The following ATRNL1 variants were observed in gnomAD, a reference collection of about 807,000 sequenced individuals.
ATRNL1 encodes the protein attractin-like protein 1.
In ATRNL1, 95 loss-of-function variants were observed where a neutral mutation model predicts 182.7. The observed-to-expected ratio is 0.52, with a 90% CI of 0.44 to 0.62. The LOEUF (loss-of-function observed/expected upper bound fraction) is 0.62, where lower values mean the gene tolerates loss of function less well. Among genes scored for constraint, ATRNL1 ranks in the 20% least tolerant of loss-of-function variants. The pLI is 0.00. For missense variants in ATRNL1, 1,471 were observed against 1,679.5 expected (o/e 0.88, Z 2.17); for synonymous variants, 576 against 568.3 (o/e 1.01, Z -0.19).
At position 115,160,298 on chromosome 10, in the gene ATRNL1, AG is replaced by A; in HGVS notation, c.1004+85del. 20 of 1,322,500 alleles carry A rather than the reference AG, an allele frequency of 1.5e-5. No homozygotes were observed. The South Asian group carries it at 2.8e-4, about 19-fold the overall frequency. The allele number at this position is 1,322,500 out of a possible 1,614,324, so 81.9% of individuals were successfully genotyped here. On this transcript the variant is annotated intron_variant, in intron 6 of 28. Coordinates refer to ENST00000355044, the MANE Select transcript of ATRNL1 (RefSeq NM_207303.4). The stretch of plus-strand genomic sequence containing the variant: ...CTTTTTTTTTTAATTGTTGTCCGAG[AG>A]TAAAAGTGGTTATTTTTGTGGTAGT...
intron 27 of ATRNL1, among the ~76,000 whole-genome samples, chr10:115,741,780 G>T (rs576911435): frequency 1.3e-5 from 2 of 152,100 alleles, no homozygotes; most frequent in East Asian, 3.9e-4. Flanking sequence ...AAGAGGGAGG[G>T]GTCAGAAGGT....
chr10:115,391,447 A>G (rs1222636614), intron 19 of ATRNL1, among the ~76,000 whole-genome samples: 1 of 152,182 alleles, frequency 6.6e-6, no homozygotes, highest in Non-Finnish European at 1.5e-5. Context: ...CTGTGGGGTC[A>G]TGCTTGACCT....
intron 16 of ATRNL1, among the ~76,000 whole-genome samples, chr10:115,300,841 T>G (rs1554924264): frequency 6.6e-6 from 1 of 152,156 alleles, no homozygotes; most frequent in Non-Finnish European, 1.5e-5. Flanking sequence ...CTCCAGAACT[T>G]TTTCATTTTG....
intron 19 of ATRNL1, among the ~76,000 whole-genome samples, chr10:115,340,040 AG>A (rs1855666411): frequency 6.6e-6 from 1 of 152,210 alleles, no homozygotes; most frequent in African/African-American, 2.4e-5. Flanking sequence ...CTTGCATTCC[AG>A]GGGGATAAAT....
At chr10:115,664,517 G>A (rs1334331101) in intron 26 of ATRNL1, among the ~76,000 whole-genome samples, 1 of 152,020 alleles carries the variant, frequency 6.6e-6, no homozygotes, top group African/African-American at 2.4e-5. Flanking sequence ...TTAAATATAT[G>A]TCCTATCACG....
chr10:115,694,471 G>A (rs1484441223), intron 26 of ATRNL1, among the ~76,000 whole-genome samples: 1 of 151,990 alleles, frequency 6.6e-6, no homozygotes, highest in African/African-American at 2.4e-5. Context: ...TAAAATTCAG[G>A]TAGCAATGTT....
At chr10:115,825,604 T>C (rs555152979) in intron 27 of ATRNL1, among the ~76,000 whole-genome samples, 1 of 152,230 alleles carries the variant, frequency 6.6e-6, no homozygotes, top group East Asian at 1.9e-4. Flanking sequence ...CACAGACCCT[T>C]TGAGATCTGT....
chr10:115,251,913 T>C (rs1850894184), intron 10 of ATRNL1, among the ~76,000 whole-genome samples: 1 of 152,208 alleles, frequency 6.6e-6, no homozygotes, highest in African/African-American at 2.4e-5. Context: ...AAACTCTCCC[T>C]AATCCAATCA....
intron 19 of ATRNL1, among the ~76,000 whole-genome samples, chr10:115,372,247 T>C (rs1554948281): frequency 6.6e-6 from 1 of 152,208 alleles, no homozygotes; most frequent in African/African-American, 2.4e-5. Context: ...TGAGTTCCTT[T>C]TATATTTTTT....
intron 26 of ATRNL1, among the ~76,000 whole-genome samples, chr10:115,672,035 A>G (rs1409489841): frequency 6.6e-6 from 1 of 152,132 alleles, no homozygotes; most frequent in East Asian, 1.9e-4. Context: ...TTAATTGTAA[A>G]TATTTTTGGT....
chr10:115,719,683 A>G (rs1555057263), intron 26 of ATRNL1, among the ~76,000 whole-genome samples: 1 of 152,176 alleles, frequency 6.6e-6, no homozygotes, highest in East Asian at 1.9e-4. Context: ...TGTTTGCTCC[A>G]TACTGCAAAT....
intron 28 of ATRNL1, among the ~76,000 whole-genome samples, chr10:115,907,693 A>G (rs1247074900): frequency 6.6e-6 from 1 of 152,108 alleles, no homozygotes; most frequent in Non-Finnish European, 1.5e-5. Flanking sequence ...GTCATACATT[A>G]TATAAGATAC....
chr10:115,108,563 G>A (rs1844123351), intron 1 of ATRNL1, among the ~76,000 whole-genome samples: 1 of 152,180 alleles, frequency 6.6e-6, no homozygotes, highest in South Asian at 2.1e-4. Context: ...GCATGGGGAA[G>A]GCTGGTTGCC....
intron 1 of ATRNL1, among the ~76,000 whole-genome samples, chr10:115,106,847 C>T (rs1194578688): frequency 3.3e-5 from 5 of 152,066 alleles, no homozygotes; most frequent in African/African-American, 1.2e-4. Flanking sequence ...TGAAAATGGA[C>T]TAATACACTT....
At chr10:115,259,643 A>G (rs113683194) in intron 10 of ATRNL1, among the ~76,000 whole-genome samples, 46 of 152,240 alleles carry the variant, frequency 3.0e-4, no homozygotes, top group African/African-American at 7.7e-4. Flanking sequence ...ACTAGTCCCA[A>G]TGAGATGAAC....
chr10:115,931,987 G>C (rs1289335075), intron 28 of ATRNL1, among the ~76,000 whole-genome samples: 4 of 152,196 alleles, frequency 2.6e-5, no homozygotes, highest in Non-Finnish European at 5.9e-5. Flanking sequence ...TCACTCTGAA[G>C]TCTGTTCTCT....
chr10:115,766,334 G>A (rs2960693), intron 27 of ATRNL1, among the ~76,000 whole-genome samples: 144,678 of 152,250 alleles, frequency 0.95, 69,154 homozygotes, highest in East Asian at 1. Context: ...ATTCTTTACT[G>A]TGTGAAGGTA....
At chr10:115,515,438 TGCATTTGTTAATTTCTAAGTA>T (rs1162242784) in intron 24 of ATRNL1, among the ~76,000 whole-genome samples, 1 of 151,556 alleles carries the variant, frequency 6.6e-6, no homozygotes, top group African/African-American at 2.4e-5. Context: ...TCCCTTGGAT[TGCATTTGTTAATTTCTAAGTA>T]GTTAAGCTTG....
At chr10:115,224,555 C>CA (rs550215575) in intron 9 of ATRNL1, among the ~76,000 whole-genome samples, 55 of 152,156 alleles carry the variant, frequency 3.6e-4, no homozygotes, top group African/African-American at 1.3e-3. Context: ...CAAAACTCGA[C>CA]AAAGTTGGTT....
Sources: allele counts gnomAD v4.1 joint callset (sites outside exome capture counted in the v4.1 genomes callset), GRCh38; gene constraint gnomAD v4.1.1; transcripts MANE v1.5; gene names NCBI Gene and HGNC (gene_info 2026-07-23, HGNC 2026-07-21).